The following EIF4G3 variants were observed in gnomAD, a reference collection of about 807,000 sequenced individuals.
EIF4G3 encodes eIF-4-gamma 3.
Under a neutral mutation model 186.4 loss-of-function variants are expected in EIF4G3, and 34 were observed. That is an observed-to-expected ratio of 0.18 (90% CI 0.14 to 0.24). The LOEUF is 0.24. Among genes scored for constraint, EIF4G3 ranks in the 10% least tolerant of loss-of-function variants. The pLI is 1.00. For missense variants in EIF4G3, 1,536 were observed against 1,948.5 expected (o/e 0.79, Z 3.99); for synonymous variants, 673 against 679.5 (o/e 0.99, Z 0.15).
At chr1:21,054,632 G>C (rs1318247598) in intron 3 of EIF4G3, among the ~76,000 whole-genome samples, 1 of 152,042 alleles carries the variant, frequency 6.6e-6, no homozygotes, top group East Asian at 1.9e-4. Context: ...TCTATTTTCA[G>C]TTCATAGGTC....
chr1:20,885,184 G>A (rs950073907), intron 19 of EIF4G3, among the ~76,000 whole-genome samples: 3 of 152,122 alleles, frequency 2.0e-5, no homozygotes, highest in Non-Finnish European at 4.4e-5. Flanking sequence ...CTGGTACTAG[G>A]GGTTGGGGAT....
intron 4 of EIF4G3, among the ~76,000 whole-genome samples, chr1:21,013,100 C>CT (rs1030808388): frequency 6.6e-6 from 1 of 151,984 alleles, no homozygotes; most frequent in African/African-American, 2.4e-5. Context: ...CTATCCCTGA[C>CT]TATATCTCAG....
At chr1:20,878,716 T>C (rs2081517064) in intron 20 of EIF4G3, among the ~76,000 whole-genome samples, 1 of 152,184 alleles carries the variant, frequency 6.6e-6, no homozygotes, top group Non-Finnish European at 1.5e-5. Flanking sequence ...AAACAGATGA[T>C]ACATGGCAGT....
chr1:20,872,950 T>C (rs2079644049), intron 20 of EIF4G3, among the ~76,000 whole-genome samples: 1 of 152,184 alleles, frequency 6.6e-6, no homozygotes, highest in African/African-American at 2.4e-5. Flanking sequence ...TTGGCCAGGC[T>C]GGCCTTGAAC....
chr1:21,062,736 C>A (rs760568332), intron 3 of EIF4G3, among the ~76,000 whole-genome samples: 34 of 152,132 alleles, frequency 2.2e-4, no homozygotes, highest in Admixed American at 1.9e-3. Context: ...ATTACAGGTG[C>A]GTGCCACCAC....
At chr1:21,082,061 A>C (rs1018530265) in intron 3 of EIF4G3, among the ~76,000 whole-genome samples, 1 of 151,350 alleles carries the variant, frequency 6.6e-6, no homozygotes. Flanking sequence ...CTCCCAAAGT[A>C]CCAGGATGAC....
At chr1:20,875,651 C>T (rs773889191) in intron 20 of EIF4G3, among the ~76,000 whole-genome samples, 3 of 152,184 alleles carry the variant, frequency 2.0e-5, no homozygotes, top group East Asian at 1.9e-4. Flanking sequence ...CAATGGCTAA[C>T]GCCTATAATC....
At chr1:20,922,794 T>C (rs1291515034) in intron 14 of EIF4G3, among the ~76,000 whole-genome samples, 3 of 152,124 alleles carry the variant, frequency 2.0e-5, no homozygotes, top group Non-Finnish European at 4.4e-5. Flanking sequence ...AGAATAATTA[T>C]TAGGGTTTGA....
intron 2 of EIF4G3, among the ~76,000 whole-genome samples, chr1:21,095,616 A>G (rs148799387): frequency 7.2e-5 from 11 of 152,298 alleles, no homozygotes; most frequent in South Asian, 4.1e-4. Flanking sequence ...CCTGACCTAT[A>G]TTAGATTTTT....
chr1:20,986,772 G>C (rs376494632), intron 7 of EIF4G3, among the ~76,000 whole-genome samples: 1 of 76,592 alleles, frequency 1.3e-5, no homozygotes, highest in Admixed American at 1.4e-4. Flanking sequence ...AAAAAAAAAA[G>C]AAAACTTGAC....
chr1:20,823,903 T>C (rs1279877725), intron 33 of EIF4G3, among the ~76,000 whole-genome samples: 1 of 152,224 alleles, frequency 6.6e-6, no homozygotes, highest in East Asian at 1.9e-4. Context: ...TTAAATAATT[T>C]GGATTTGTAG....
At chr1:21,087,257 T>C (rs1016653945) in intron 3 of EIF4G3, among the ~76,000 whole-genome samples, 11 of 152,188 alleles carry the variant, frequency 7.2e-5, no homozygotes, top group African/African-American at 2.7e-4. Flanking sequence ...TCCCCTAAAT[T>C]ACCTTAGGTT....
chr1:20,829,171 C>T lies in EIF4G3; in HGVS notation c.4163G>A (p.Gly1388Glu). The T allele has an allele frequency of 2.5e-6, 4 of 1,613,882 alleles. No homozygotes were observed. Among genetic ancestry groups the T allele is most frequent in the Non-Finnish European group, 3.4e-6 (4 of 1,179,900 alleles). The change falls in exon 31 of 37, where the codon GGA becomes GAA. Residue 1388 changes from glycine to glutamate, a missense_variant. Coordinates refer to ENST00000602326, the MANE Select transcript of EIF4G3 (RefSeq NM_001391906.1). ...CATGGTAAGTTCTCTCATGGAGATT[C>T]CACCTTCTTTTAACATGGGGGTCAC... is the stretch of plus-strand genomic sequence containing the variant. ...ELVTPMLKEG[G>E]ISMRELTIEF... is the part of the protein sequence containing the mutation.
In EIF4G3 at chr1:21,050,876, C is replaced by G. The variant is rs1224463645; in HGVS notation, c.-77G>C. On this transcript the variant is annotated 5_prime_UTR_variant, in exon 4 of 37. Coordinates refer to ENST00000602326, the MANE Select transcript of EIF4G3 (RefSeq NM_001391906.1). ...AAAGGTTTATCTTACTTGAGAGAGT[C>G]CAGGGGACGATGCATGTCCCGGGGG... The G allele has an allele frequency of 4.3e-6, 3 of 705,400 alleles. No homozygotes were observed. The African/African-American group carries it at 5.3e-5, about 13-fold the overall frequency. 43.7% of individuals were successfully genotyped at this position (705,400 alleles called of 1,614,324 possible). A position where few individuals can be genotyped will look rare whatever the true frequency, so the allele number is the denominator to read the frequency against.
chr1:20,827,568 T>G, intron 32 of EIF4G3, 49 bp downstream of exon 32: 1 of 1,203,242 alleles, frequency 8.3e-7, no homozygotes, highest in South Asian at 1.4e-5. Flanking sequence ...TCAAGATCAC[T>G]GCCCTTCCTA....
intron 31 of EIF4G3, 33 bp from the exon 32 acceptor site, chr1:20,827,731 C>T: frequency 7.0e-7 from 1 of 1,423,684 alleles, no homozygotes; most frequent in African/African-American, 1.4e-5. Context: ...TTAAGTATCT[C>T]TAAAGAAATC....
chr1:21,173,667 G>A (rs530943321), intron 2 of EIF4G3, among the ~76,000 whole-genome samples: 5 of 152,212 alleles, frequency 3.3e-5, no homozygotes, highest in African/African-American at 9.6e-5. Flanking sequence ...CAGCCTGGGC[G>A]ACAAAGCAAG....
At chr1:21,104,341 A>G (rs2096577694) in intron 2 of EIF4G3, among the ~76,000 whole-genome samples, 1 of 152,226 alleles carries the variant, frequency 6.6e-6, no homozygotes, top group Non-Finnish European at 1.5e-5. Context: ...TTCTATTGGG[A>G]GCAAACAGAC....
intron 4 of EIF4G3, 93 bp from the exon 5 acceptor site, chr1:21,002,901 G>T: frequency 2.9e-6 from 2 of 686,734 alleles, no homozygotes. Context: ...TACAGAAGTG[G>T]TTATTAATGT....
Sources: gnomAD v4.1 joint callset for allele counts (sites outside exome capture counted in the v4.1 genomes callset) on GRCh38, gnomAD v4.1.1 for gene constraint, MANE v1.5 for transcripts, NCBI Gene and HGNC (gene_info 2026-07-23, HGNC 2026-07-21) for gene names.